The following OR52I2 variants were observed in gnomAD, a reference collection of about 807,000 sequenced individuals.
OR52I2 encodes the protein olfactory receptor 52I2.
For missense variants in OR52I2, 350 were observed against 402.4 expected (o/e 0.87, Z 1.11); for synonymous variants, 147 against 151.9 (o/e 0.97, Z 0.24).
chr11:4,591,291 C>T (rs1326762366), exon 2 of OR52I2: 2 of 152,032 alleles, frequency 1.3e-5, no homozygotes, highest in Non-Finnish European at 2.9e-5. Flanking sequence ...AGACAGTATC[C>T]AAGGGTAAGG....
At chr11:4,586,685 A>C in intron 1 of OR52I2, 187 bp from the exon 2 acceptor site, 1 of 772,730 alleles carries the variant, frequency 1.3e-6, no homozygotes, top group Non-Finnish European at 2.1e-6. Flanking sequence ...TGAACAATGA[A>C]TACAAATTTG....
intron 1 of OR52I2, among the ~76,000 whole-genome samples, chr11:4,585,177 T>C (rs1159149678): frequency 2.0e-5 from 3 of 152,180 alleles, no homozygotes; most frequent in South Asian, 2.1e-4. Flanking sequence ...CTAGAACCAA[T>C]ACTTTTCGAC....
chr11:4,582,119 T>G (rs944167516), intron 1 of OR52I2, among the ~76,000 whole-genome samples: 2 of 152,136 alleles, frequency 1.3e-5, no homozygotes, highest in East Asian at 3.9e-4. Context: ...TAAGTCCAAT[T>G]TTGAGCTGGT....
intron 1 of OR52I2, among the ~76,000 whole-genome samples, chr11:4,583,006 G>T (rs1249677510): frequency 1.3e-5 from 2 of 152,068 alleles, no homozygotes; most frequent in African/African-American, 4.8e-5. Context: ...GTCCATAATG[G>T]CTCAAAAACA....
chr11:4,587,741 T>A, exon 2 of OR52I2: 1 of 1,614,180 alleles, frequency 6.2e-7, no homozygotes, highest in South Asian at 1.1e-5. Context: ...CTAGCTGACC[T>A]GTACGTGATC....
chr11:4,591,245 C>A (rs940588499), exon 2 of OR52I2: 2 of 152,138 alleles, frequency 1.3e-5, no homozygotes, highest in African/African-American at 4.8e-5. Context: ...CAGAGAGGAG[C>A]CAGAACCCTG....
exon 2 of OR52I2, chr11:4,588,815 T>C (rs766494243): frequency 6.6e-5 from 10 of 152,266 alleles, no homozygotes; most frequent in Non-Finnish European, 1.0e-4. Flanking sequence ...CTTGACTTTC[T>C]GGCTTACTTG....
chr11:4,584,592 T>TGCCCA (rs2133185427), intron 1 of OR52I2, among the ~76,000 whole-genome samples: 1 of 152,294 alleles, frequency 6.6e-6, no homozygotes, highest in South Asian at 2.1e-4. Context: ...GGCTTTCTTA[T>TGCCCA]TAAAGATGGG....
exon 2 of OR52I2, chr11:4,587,202 G>T: frequency 6.2e-7 from 1 of 1,614,194 alleles, no homozygotes; most frequent in Non-Finnish European, 8.5e-7. Flanking sequence ...GTTTCACTCA[G>T]ATGTTTTTTG....
exon 2 of OR52I2, chr11:4,587,841 T>C (rs1459789331): frequency 6.2e-7 from 1 of 1,613,978 alleles, no homozygotes; most frequent in Non-Finnish European, 8.5e-7. Flanking sequence ...ATGTCCTCTT[T>C]GACCATTCCA....
exon 2 of OR52I2, chr11:4,591,059 G>A (rs1289454980): frequency 1.3e-5 from 2 of 152,084 alleles, no homozygotes; most frequent in Non-Finnish European, 2.9e-5. Context: ...CCTAACTATG[G>A]AGCCCATCAG....
At chr11:4,582,889 AG>A (rs2133184566) in intron 1 of OR52I2, among the ~76,000 whole-genome samples, 1 of 152,282 alleles carries the variant, frequency 6.6e-6, no homozygotes, top group East Asian at 1.9e-4. Flanking sequence ...CCAGCCTGAG[AG>A]CAATAGTATG....
exon 2 of OR52I2, chr11:4,588,619 C>T (rs1407540783): frequency 6.6e-6 from 1 of 152,258 alleles, no homozygotes; most frequent in Non-Finnish European, 1.5e-5. Flanking sequence ...CCTACATCCT[C>T]TTTCCCTTCT....
At chr11:4,587,838 C>G (rs1253355507) in exon 2 of OR52I2, 1 of 1,614,016 alleles carries the variant, frequency 6.2e-7, no homozygotes, top group East Asian at 2.2e-5. Flanking sequence ...TGCATGTCCT[C>G]TTTGACCATT....
chr11:4,587,351 T>C (rs1564860300), exon 2 of OR52I2: 1 of 1,613,022 alleles, frequency 6.2e-7, no homozygotes, highest in Admixed American at 1.7e-5. Context: ...GCCATCACCA[T>C]CAGAGCTATC....
Position 4,587,622 on chromosome 11 carries a change from A to G in OR52I2, c.732A>G (p.Thr244=), listed in dbSNP as rs1165548885. Residue 244 remains threonine (T), a synonymous_variant, in exon 2 of 2, where the codon ACA becomes ACG. Coordinates refer to ENST00000641896, the Ensembl canonical transcript of OR52I2. ...CTGCTCAGTTGAAAGCATTAAGCAC[A>G]TGTGGCTCCCATGTGGGGGTTATGG... is the stretch of plus-strand genomic sequence containing the variant. The G allele has an allele frequency of 2.5e-6, 4 of 1,613,966 alleles. No homozygotes were observed. The African/African-American group carries it at 5.3e-5, about 22-fold the overall frequency.
At chr11:4,586,415 C>T (rs1846301318) in intron 1 of OR52I2, among the ~76,000 whole-genome samples, 2 of 152,088 alleles carry the variant, frequency 1.3e-5, no homozygotes, top group Admixed American at 1.3e-4. Context: ...GAAACTTAAC[C>T]ATAATAAACA....
chr11:4,592,494 T>C (rs1433451886), exon 2 of OR52I2: 1 of 151,982 alleles, frequency 6.6e-6, no homozygotes, highest in Non-Finnish European at 1.5e-5. Flanking sequence ...AATCTAGGGG[T>C]TCCATGAAGA....
chr11:4,593,180 T>C (rs1486959322), exon 2 of OR52I2: 1 of 152,474 alleles, frequency 6.6e-6, no homozygotes, highest in Non-Finnish European at 1.5e-5. Flanking sequence ...GTTTGGAACA[T>C]CTTGGTTATC....
Sources: allele counts gnomAD v4.1 joint callset (sites outside exome capture counted in the v4.1 genomes callset), GRCh38; gene constraint gnomAD v4.1.1; transcripts MANE v1.5; gene names NCBI Gene and HGNC (gene_info 2026-07-23, HGNC 2026-07-21).